Variants in RGS7 observed in about 807,000 individuals in gnomAD.
RGS7 encodes the protein regulator of G protein signaling 7.
RGS7 carries 27 observed loss-of-function variants against 81.1 expected under a neutral mutation model. That is an observed-to-expected ratio of 0.33 (90% CI 0.25 to 0.46). RGS7 has a LOEUF of 0.46. RGS7 is among the 20% of genes least tolerant of loss of function. RGS7 has a pLI of 1.00. For synonymous variants in RGS7, 208 were observed against 207.7 expected (o/e 1.00, Z -0.01); for missense variants, 396 against 607.4 (o/e 0.65, Z 3.66).
intron 3 of RGS7, among the ~76,000 whole-genome samples, chr1:240,984,166 A>G (rs1685322858): frequency 6.6e-6 from 1 of 152,228 alleles, no homozygotes; most frequent in Non-Finnish European, 1.5e-5. Context: ...TCTAGGCTAA[A>G]GAATTAAATT....
chr1:240,814,785 G>A lies in RGS7; in HGVS notation c.784-8C>T, dbSNP rs1250212958. On this transcript the variant is annotated splice_region_variant and splice_polypyrimidine_tract_variant and intron_variant, in intron 11 of 18. Transcript: ENST00000440928. Reference sequence around the variant, plus strand: ...TATTTGCCAATATTTTATCTGAAAAGAGGGTTAGAGAAGGAGTTACATAAG... The same window carrying A: ...TATTTGCCAATATTTTATCTGAAAAAAGGGTTAGAGAAGGAGTTACATAAG... 1.3e-6 allele frequency: 2 copies of A among 1,554,540 alleles called. No homozygotes were observed. Among genetic ancestry groups the A allele is most frequent in the Middle Eastern group, 1.7e-4 (1 of 5,950 alleles).
chr1:241,216,273 G>GA (rs1419192360), intron 2 of RGS7, among the ~76,000 whole-genome samples: 5 of 150,860 alleles, frequency 3.3e-5, no homozygotes, highest in East Asian at 1.9e-4. Flanking sequence ...CCCTGTCTCA[G>GA]AAAAAAATAA....
chr1:240,783,400 T>C (rs1209531116), intron 18 of RGS7, among the ~76,000 whole-genome samples: 1 of 151,494 alleles, frequency 6.6e-6, no homozygotes, highest in African/African-American at 2.4e-5. Context: ...GGTGGATGGA[T>C]CACTTGCAGT....
chr1:241,067,468 C>T (rs80014282), intron 3 of RGS7, among the ~76,000 whole-genome samples: 5,497 of 151,960 alleles, frequency 0.036, 167 homozygotes, highest in East Asian at 0.14. Context: ...TTAAACACCT[C>T]TATACTCAGC....
intron 4 of RGS7, among the ~76,000 whole-genome samples, chr1:240,947,655 G>A (rs1270033369): frequency 6.6e-6 from 1 of 152,090 alleles, no homozygotes; most frequent in Non-Finnish European, 1.5e-5. Flanking sequence ...ATATCATCCT[G>A]TGGCTGAGTC....
intron 9 of RGS7, among the ~76,000 whole-genome samples, chr1:240,829,920 G>A (rs1693540269): frequency 6.6e-6 from 1 of 152,200 alleles, no homozygotes; most frequent in Non-Finnish European, 1.5e-5. Context: ...AGGAAAGCAT[G>A]TTTCTTCATG....
intron 2 of RGS7, among the ~76,000 whole-genome samples, chr1:241,326,794 C>T (rs2081522709): frequency 6.7e-6 from 1 of 150,338 alleles, no homozygotes; most frequent in Non-Finnish European, 1.5e-5. Flanking sequence ...CCTGTAGTCC[C>T]AACTACTCAG....
chr1:241,226,703 C>T (rs1404390527), intron 2 of RGS7, among the ~76,000 whole-genome samples: 1 of 152,196 alleles, frequency 6.6e-6, no homozygotes, highest in African/African-American at 2.4e-5. Flanking sequence ...ATTCCATGAG[C>T]AGGTGACACC....
chr1:241,171,820 C>A (rs1156912896), intron 2 of RGS7, among the ~76,000 whole-genome samples: 2 of 152,076 alleles, frequency 1.3e-5, no homozygotes, highest in African/African-American at 4.8e-5. Flanking sequence ...ATTTTTTGTT[C>A]ATCTCTCAGT....
intron 4 of RGS7, among the ~76,000 whole-genome samples, chr1:240,976,670 C>T (rs1432807329): frequency 6.6e-6 from 1 of 152,138 alleles, no homozygotes; most frequent in African/African-American, 2.4e-5. Context: ...CTGTCCTGCT[C>T]TATGAATTTC....
At chr1:241,085,494 G>T (rs906321884) in intron 3 of RGS7, among the ~76,000 whole-genome samples, 2 of 152,072 alleles carry the variant, frequency 1.3e-5, no homozygotes, top group Non-Finnish European at 2.9e-5. Context: ...GCGTGATCTT[G>T]GCTCACTGCA....
chr1:240,949,780 G>A (rs1328177029), intron 4 of RGS7, among the ~76,000 whole-genome samples: 3 of 150,090 alleles, frequency 2.0e-5, no homozygotes, highest in Non-Finnish European at 3.0e-5. Context: ...CCCAGGAGAC[G>A]GAGGTTGCAG....
intron 2 of RGS7, among the ~76,000 whole-genome samples, chr1:241,210,027 A>G (rs1209992123): frequency 2.0e-5 from 3 of 152,198 alleles, no homozygotes; most frequent in South Asian, 2.1e-4. Context: ...CTTAGAGAAT[A>G]GGGTCCAGAA....
intron 2 of RGS7, among the ~76,000 whole-genome samples, chr1:241,212,702 G>A (rs1447961164): frequency 6.6e-6 from 1 of 152,042 alleles, no homozygotes; most frequent in Non-Finnish European, 1.5e-5. Flanking sequence ...CCAGATTTTC[G>A]GCCATTTGCC....
intron 2 of RGS7, among the ~76,000 whole-genome samples, chr1:241,290,773 AT>A: frequency 6.6e-6 from 1 of 152,242 alleles, no homozygotes; most frequent in East Asian, 1.9e-4. Context: ...CCAAATCTCA[AT>A]TTTCTCAACT....
chr1:241,265,501 C>T (rs2077539793), intron 2 of RGS7, among the ~76,000 whole-genome samples: 1 of 152,164 alleles, frequency 6.6e-6, no homozygotes, highest in Admixed American at 6.5e-5. Context: ...TAGCCAGAGG[C>T]AGTCTTATGA....
intron 2 of RGS7, among the ~76,000 whole-genome samples, chr1:241,122,322 G>A (rs1036056942): frequency 2.6e-5 from 4 of 152,108 alleles, no homozygotes; most frequent in African/African-American, 9.7e-5. Flanking sequence ...GTTATGTCCT[G>A]ATAAACTCAT....
intron 4 of RGS7, among the ~76,000 whole-genome samples, chr1:240,944,172 C>T (rs1483331991): frequency 1.3e-5 from 2 of 150,812 alleles, no homozygotes; most frequent in Non-Finnish European, 2.9e-5. Flanking sequence ...CTACATTATA[C>T]AGCCTATATG....
At chr1:240,887,786 C>T (rs902352707) in intron 6 of RGS7, among the ~76,000 whole-genome samples, 10 of 152,098 alleles carry the variant, frequency 6.6e-5, no homozygotes, top group Admixed American at 2.0e-4. Context: ...ATGGATACCT[C>T]AGTGTCATTA....
Sources: gnomAD v4.1 joint callset for allele counts (sites outside exome capture counted in the v4.1 genomes callset) on GRCh38, gnomAD v4.1.1 for gene constraint, MANE v1.5 for transcripts, NCBI Gene and HGNC (gene_info 2026-07-23, HGNC 2026-07-21) for gene names.